The following ACACA variants were observed in gnomAD, a reference collection of about 807,000 sequenced individuals.
ACACA encodes acetyl-CoA carboxylase alpha.
ACACA carries 103 observed loss-of-function variants against 296.1 expected under a neutral mutation model. That is an observed-to-expected ratio of 0.35 (90% CI 0.30 to 0.41). ACACA has a LOEUF of 0.41. Among genes scored for constraint, ACACA ranks in the 10% least tolerant of loss-of-function variants. The pLI, the probability that ACACA is intolerant of heterozygous loss-of-function variation, is 1.00. For synonymous variants in ACACA, 953 were observed against 1,038.6 expected, an observed-to-expected ratio of 0.92 and a Z score of 1.58; for missense variants, 1,554 against 2,989.7, an observed-to-expected ratio of 0.52 and a Z score of 11.20.
chr17:37,307,631 A>G (rs1375968117), intron 3 of ACACA, among the ~76,000 whole-genome samples: 1 of 151,906 alleles, frequency 6.6e-6, no homozygotes, highest in Non-Finnish European at 1.5e-5. Context: ...GTCTCGCTCT[A>G]TCCCTCAGGC....
chr17:37,337,523 C>T (rs1259419975), intron 2 of ACACA, among the ~76,000 whole-genome samples: 1 of 151,954 alleles, frequency 6.6e-6, no homozygotes, highest in Non-Finnish European at 1.5e-5. Flanking sequence ...GCACGATCCT[C>T]GTTCACTGCA....
chr17:37,186,919 T>C (rs762068410), intron 39 of ACACA, among the ~76,000 whole-genome samples: 2 of 150,000 alleles, frequency 1.3e-5, no homozygotes, highest in African/African-American at 2.4e-5. Flanking sequence ...AGAAAGAAAG[T>C]AGTTATGAAG....
chr17:37,373,073 G>T (rs1005165476), intron 1 of ACACA, among the ~76,000 whole-genome samples: 1 of 152,060 alleles, frequency 6.6e-6, no homozygotes, highest in African/African-American at 2.4e-5. Flanking sequence ...TGGAGATGGG[G>T]TTTCACCATG....
At chr17:37,139,745 A>C (rs1319695451) in intron 45 of ACACA, among the ~76,000 whole-genome samples, 4 of 152,212 alleles carry the variant, frequency 2.6e-5, no homozygotes, top group Non-Finnish European at 5.9e-5. Context: ...AGTGGAATTA[A>C]GTTTTAACTG....
At chr17:37,109,158 T>G (rs2073850804) in intron 52 of ACACA, among the ~76,000 whole-genome samples, 2 of 152,244 alleles carry the variant, frequency 1.3e-5, no homozygotes, top group African/African-American at 4.8e-5. Flanking sequence ...TCATAATATG[T>G]CCTGTTATAT....
intron 45 of ACACA, among the ~76,000 whole-genome samples, chr17:37,142,154 T>A (rs1288725527): frequency 6.6e-6 from 1 of 152,170 alleles, no homozygotes; most frequent in Non-Finnish European, 1.5e-5. Context: ...CTAGAAGCTC[T>A]GGACTGGTAC....
At chr17:37,210,563 T>C (rs2078700315) in intron 29 of ACACA, 73 bp from the exon 30 acceptor site, 1 of 1,429,654 alleles carries the variant, frequency 7.0e-7, no homozygotes, top group African/African-American at 1.4e-5. Flanking sequence ...TCAGAGCAGA[T>C]ATAGACCAGT....
intron 1 of ACACA, chr17:37,379,454 G>A (rs987504434): frequency 2.0e-5 from 30 of 1,495,354 alleles, no homozygotes; most frequent in African/African-American, 8.4e-5. Context: ...CCAGAACTCC[G>A]TAGCAGGAAA....
rs991658773 is a variant in ACACA, at chr17:37,111,722, C to G, written c.6453-79G>C. 4 of 1,055,244 alleles carry G rather than the reference C, an allele frequency of 3.8e-6. No individual in the cohort carries two copies. The African/African-American group carries it at 4.7e-5, about 12-fold the overall frequency. The allele number at this position is 1,055,244 out of a possible 1,614,324, so 65.4% of individuals were successfully genotyped here. On this transcript the variant is annotated intron_variant, in intron 51 of 55. Coordinates refer to ENST00000616317, the MANE Select transcript of ACACA (RefSeq NM_198834.3). ...GGAGACAACAGAATGAGGCCAGTTA[C>G]AATTTGTAGACCAGGAAATAGCTTC...
intron 26 of ACACA, chr17:37,225,387 G>C: frequency 2.6e-6 from 1 of 387,770 alleles, no homozygotes; most frequent in Non-Finnish European, 4.8e-6. Flanking sequence ...TTCCATCAGT[G>C]TATGTGATTT....
chr17:37,327,418 G>A (rs906460814), intron 3 of ACACA, among the ~76,000 whole-genome samples: 2 of 152,180 alleles, frequency 1.3e-5, no homozygotes, highest in Admixed American at 6.5e-5. Flanking sequence ...GGAGTGAGTT[G>A]GAACTGGCAT....
intron 41 of ACACA, among the ~76,000 whole-genome samples, chr17:37,173,356 T>C (rs1265874187): frequency 6.6e-6 from 1 of 152,132 alleles, no homozygotes; most frequent in African/African-American, 2.4e-5. Context: ...AAGAGGTCCT[T>C]TGGGTTAAGA....
intron 3 of ACACA, among the ~76,000 whole-genome samples, chr17:37,294,901 C>A (rs1403080384): frequency 2.0e-5 from 3 of 152,162 alleles, no homozygotes; most frequent in African/African-American, 7.2e-5. Flanking sequence ...GAGGCAATGG[C>A]CTACTATGAG....
At chr17:37,336,745 A>G (rs1312916724) in intron 2 of ACACA, among the ~76,000 whole-genome samples, 2 of 152,244 alleles carry the variant, frequency 1.3e-5, no homozygotes, top group Non-Finnish European at 2.9e-5. Context: ...GATATGGTAC[A>G]TTAATAGATA....
chr17:37,372,420 A>T (rs987858159), intron 1 of ACACA, among the ~76,000 whole-genome samples: 3 of 151,914 alleles, frequency 2.0e-5, no homozygotes, highest in Non-Finnish European at 2.9e-5. Flanking sequence ...CTCGAAAAAA[A>T]AAAAAAAAAA....
At chr17:37,240,422 TG>T in intron 24 of ACACA, 53 bp downstream of exon 24, 7 of 1,519,984 alleles carry the variant, frequency 4.6e-6, no homozygotes, top group Non-Finnish European at 6.3e-6. Flanking sequence ...TAGTTTGGGT[TG>T]GTTATCAGAA....
intron 3 of ACACA, among the ~76,000 whole-genome samples, chr17:37,319,090 T>A (rs1305465704): frequency 6.6e-6 from 1 of 152,206 alleles, no homozygotes; most frequent in East Asian, 1.9e-4. Context: ...TCATATACTT[T>A]CATGATTTGC....
chr17:37,330,827 G>GT (rs2047842315), intron 2 of ACACA, among the ~76,000 whole-genome samples: 1 of 152,170 alleles, frequency 6.6e-6, no homozygotes, highest in East Asian at 1.9e-4. Flanking sequence ...TCTGGATAGA[G>GT]TAATGGTTGT....
chr17:37,293,144 G>T (rs1219838445), intron 3 of ACACA, among the ~76,000 whole-genome samples: 1 of 152,140 alleles, frequency 6.6e-6, no homozygotes, highest in East Asian at 1.9e-4. Flanking sequence ...CAGGTTTTAA[G>T]CAATATTTTA....
Sources: gnomAD v4.1 joint callset for allele counts (sites outside exome capture counted in the v4.1 genomes callset) on GRCh38, gnomAD v4.1.1 for gene constraint, MANE v1.5 for transcripts, NCBI Gene and HGNC (gene_info 2026-07-23, HGNC 2026-07-21) for gene names.